The following CAMTA1 variants were observed in gnomAD, a reference collection of about 807,000 sequenced individuals.
CAMTA1 encodes the protein calmodulin-binding transcription activator 1.
In CAMTA1, 27 loss-of-function variants were observed where a neutral mutation model predicts 170.9. That is an observed-to-expected ratio of 0.16 (90% confidence interval 0.12 to 0.22). CAMTA1 has a LOEUF of 0.22. Among genes scored for constraint, CAMTA1 ranks in the 10% least tolerant of loss-of-function variants. The pLI, the probability that CAMTA1 is intolerant of heterozygous loss-of-function variation, is 1.00. For synonymous variants in CAMTA1, 833 were observed against 891.5 expected (o/e 0.93, Z 1.17); for missense variants, 1,619 against 2,217.2 (o/e 0.73, Z 5.42).
chr1:7,306,210 G>A (rs773969919), intron 5 of CAMTA1, among the ~76,000 whole-genome samples: 1 of 152,132 alleles, frequency 6.6e-6, no homozygotes, highest in Non-Finnish European at 1.5e-5. Flanking sequence ...CCAGGTCACA[G>A]ATATTTTCTC....
chr1:7,445,495 G>A (rs991563154), intron 5 of CAMTA1, among the ~76,000 whole-genome samples: 7 of 152,096 alleles, frequency 4.6e-5, no homozygotes, highest in African/African-American at 1.4e-4. Flanking sequence ...CACAGGGAAC[G>A]AATGCCCAGC....
intron 5 of CAMTA1, among the ~76,000 whole-genome samples, chr1:7,428,171 G>A (rs2091962037): frequency 6.6e-6 from 1 of 152,146 alleles, no homozygotes. Context: ...AGACTCTGGA[G>A]AGCTATGGAG....
intron 3 of CAMTA1, among the ~76,000 whole-genome samples, chr1:7,042,717 A>G (rs1486232053): frequency 6.6e-6 from 1 of 152,204 alleles, no homozygotes. Flanking sequence ...GGTTTTGCTC[A>G]GGGTCAGGTG....
chr1:6,967,068 C>T (rs1298797059), intron 3 of CAMTA1, among the ~76,000 whole-genome samples: 1 of 151,404 alleles, frequency 6.6e-6, no homozygotes, highest in Non-Finnish European at 1.5e-5. Flanking sequence ...ATGGTGAAAC[C>T]CTGTCTCTAC....
intron 3 of CAMTA1, among the ~76,000 whole-genome samples, chr1:6,944,805 G>T (rs548968509): frequency 6.6e-6 from 1 of 152,196 alleles, no homozygotes; most frequent in East Asian, 1.9e-4. Context: ...AAAGTGATAC[G>T]CATTCAGTAG....
chr1:7,231,350 T>TGTGTGTGTGTGAGA (rs112268253), intron 4 of CAMTA1, among the ~76,000 whole-genome samples: 3 of 141,192 alleles, frequency 2.1e-5, no homozygotes, highest in Non-Finnish European at 3.1e-5. Context: ...TGTGTGTGTG[T>TGTGTGTGTGTGAGA]GAGAGAGAGA....
In CAMTA1 at chr1:7,286,962, C is replaced by G. The variant is rs1672432917; in HGVS notation, c.438+37336C>G. ...TAAACAGAAGCTGGAGCTACTCTTA[C>G]CTCTATCACTGTAAGTGTCAAAATT... On this transcript the variant is annotated intron_variant, in intron 5 of 22. Coordinates refer to ENST00000303635, the MANE Select transcript of CAMTA1 (RefSeq NM_015215.4). The surrounding 1 kb of genome is among the most constrained non-coding windows in gnomAD (Gnocchi z 4.2). Among the ~76,000 whole-genome samples, 1 of 152,190 alleles carries G rather than the reference C, an allele frequency of 6.6e-6. No individual in the cohort carries two copies. Among genetic ancestry groups the G allele is most frequent in the African/African-American group, 2.4e-5 (1 of 41,448 alleles).
chr1:7,525,815 G>C (rs916285000), intron 6 of CAMTA1, among the ~76,000 whole-genome samples: 1 of 152,082 alleles, frequency 6.6e-6, no homozygotes, highest in African/African-American at 2.4e-5. Flanking sequence ...CCCACTGCCC[G>C]CATGTCACTT....
chr1:7,029,201 A>C (rs181572998), intron 3 of CAMTA1, among the ~76,000 whole-genome samples: 10 of 152,244 alleles, frequency 6.6e-5, no homozygotes, highest in Admixed American at 6.5e-4. Context: ...TATTTTTGTC[A>C]CTATAAAATC....
At chr1:7,632,348 C>CTATTACT (rs1328632802) in intron 6 of CAMTA1, among the ~76,000 whole-genome samples, 1 of 152,198 alleles carries the variant, frequency 6.6e-6, no homozygotes, top group Admixed American at 6.5e-5. Flanking sequence ...GGCACTATTA[C>CTATTACT]ATGCTATTAT....
chr1:7,219,533 A>C (rs1219433778), intron 4 of CAMTA1: 1 of 106,190 alleles, frequency 9.4e-6, no homozygotes, highest in Admixed American at 1.1e-4. Context: ...TGACATTTGA[A>C]TTTTTTCTTA....
At chr1:7,349,995 C>T (rs61642176) in intron 5 of CAMTA1, among the ~76,000 whole-genome samples, 100 of 152,280 alleles carry the variant, frequency 6.6e-4, no homozygotes, top group African/African-American at 2.3e-3. Flanking sequence ...TGGGCTCACA[C>T]TGGGCTCTCT....
rs569965707 is a variant in CAMTA1, at chr1:6,999,482, C to T, written c.235-91822C>T. ...CACTGCAACCTCTGCCTGTCAGGCT[C>T]GGGTGATCCTCCTATCTCAGTCTCC... On this transcript the variant is annotated intron_variant, in intron 3 of 22. Transcript: ENST00000303635. Among the ~76,000 whole-genome samples the T allele has an allele frequency of 3.3e-5, 5 of 152,274 alleles. No homozygotes were observed. In the East Asian group the frequency reaches 7.7e-4, roughly 24 times the overall value.
intron 3 of CAMTA1, among the ~76,000 whole-genome samples, chr1:7,023,659 T>G (rs17030152): frequency 6.6e-6 from 1 of 151,842 alleles, no homozygotes; most frequent in Non-Finnish European, 1.5e-5. Context: ...ATAATTGCAA[T>G]GAAAACAAAA....
At chr1:7,176,220 C>T (rs777638333) in intron 4 of CAMTA1, among the ~76,000 whole-genome samples, 2 of 152,238 alleles carry the variant, frequency 1.3e-5, no homozygotes, top group African/African-American at 2.4e-5. Context: ...AACAAGGACT[C>T]TCTTAAAGTG....
At chr1:7,462,696 G>T (rs917425169) in intron 5 of CAMTA1, among the ~76,000 whole-genome samples, 1 of 152,150 alleles carries the variant, frequency 6.6e-6, no homozygotes, top group Non-Finnish European at 1.5e-5. Context: ...TAGTTTGATT[G>T]GGATGCATCC....
At position 7,732,673 on chromosome 1, in the gene CAMTA1, C is replaced by G; in HGVS notation, c.3066+74C>G. The G allele has an allele frequency of 6.8e-7, 1 of 1,480,568 alleles. No individual in the cohort carries two copies. The highest frequency in any genetic ancestry group is 2.4e-5 in the East Asian group (1 of 40,826). 91.7% of individuals were successfully genotyped at this position (1,480,568 alleles called of 1,614,324 possible). On this transcript the variant is annotated intron_variant, in intron 12 of 22. Coordinates refer to ENST00000303635, the MANE Select transcript of CAMTA1 (RefSeq NM_015215.4). This position sits in a 1 kb window ranked among gnomAD's most constrained non-coding sequence, Gnocchi z 4.1. The stretch of plus-strand genomic sequence containing the variant: ...GATTGGCGAGGCAGTGGATGGATCA[C>G]AGGCCTCTTCTCTGCTGCTGATGCG...
intron 7 of CAMTA1, among the ~76,000 whole-genome samples, chr1:7,650,959 C>G (rs541578881): frequency 2.6e-5 from 4 of 152,306 alleles, no homozygotes; most frequent in Admixed American, 1.3e-4. Context: ...ATGGAGACAG[C>G]CTTCTAGTGT....
chr1:6,855,383 T>TG (rs1306396048), intron 3 of CAMTA1, among the ~76,000 whole-genome samples: 2 of 151,602 alleles, frequency 1.3e-5, no homozygotes, highest in East Asian at 3.9e-4. Flanking sequence ...GCTTGGATTC[T>TG]GGGGGAGGCC....
Sources: gnomAD v4.1 joint callset for allele counts (sites outside exome capture counted in the v4.1 genomes callset) on GRCh38, gnomAD v4.1.1 for gene constraint, Gnocchi (gnomAD v3.1) non-coding constraint, MANE v1.5 for transcripts, NCBI Gene and HGNC (gene_info 2026-07-23, HGNC 2026-07-21) for gene names.